The following SMYD3 variants were observed in gnomAD, a reference collection of about 807,000 sequenced individuals.
SMYD3 encodes the protein SET and MYND domain containing 3, also known as histone-lysine N-methyltransferase SMYD3.
Under a neutral mutation model 57.7 loss-of-function variants are expected in SMYD3, and 36 were observed. The ratio of observed to expected loss-of-function variants is 0.62; its 90% CI spans 0.48 to 0.82. SMYD3 has a LOEUF of 0.82. Ranked by LOEUF, SMYD3 falls within the 40% of genes least tolerant of loss-of-function variation. The pLI, the probability that SMYD3 is intolerant of heterozygous loss-of-function variation, is 0.00. For synonymous variants in SMYD3, 211 were observed against 195.0 expected, an observed-to-expected ratio of 1.08 and a Z score of -0.68; for missense variants, 515 against 538.8, an observed-to-expected ratio of 0.96 and a Z score of 0.44.
intron 10 of SMYD3, among the ~76,000 whole-genome samples, chr1:245,782,557 T>A (rs1405687979): frequency 6.6e-6 from 1 of 152,216 alleles, no homozygotes; most frequent in Non-Finnish European, 1.5e-5. Flanking sequence ...CTTTTTAAAT[T>A]CTGCAAATAT....
chr1:246,385,962 C>T (rs1039515827), intron 1 of SMYD3, among the ~76,000 whole-genome samples: 3 of 152,040 alleles, frequency 2.0e-5, no homozygotes, highest in African/African-American at 7.2e-5. Context: ...GATCTCGGCT[C>T]ACTGCAAGCT....
intron 5 of SMYD3, among the ~76,000 whole-genome samples, chr1:246,083,233 T>C (rs903914159): frequency 9.9e-5 from 15 of 152,102 alleles, no homozygotes; most frequent in Admixed American, 2.0e-4. Context: ...CCCGATTGTA[T>C]ATTCCATCTA....
At chr1:245,889,954 T>G (rs1558462039) in intron 8 of SMYD3, among the ~76,000 whole-genome samples, 1 of 152,166 alleles carries the variant, frequency 6.6e-6, no homozygotes, top group Admixed American at 6.5e-5. Context: ...AGTGAACTCA[T>G]TTTTGACAAA....
chr1:246,137,635 G>A (rs1226322736), intron 5 of SMYD3, among the ~76,000 whole-genome samples: 1 of 152,180 alleles, frequency 6.6e-6, no homozygotes, highest in Non-Finnish European at 1.5e-5. Context: ...GACGGTAAAA[G>A]TAGATGGTGC....
At chr1:245,864,218 G>A (rs989520334) in intron 8 of SMYD3, among the ~76,000 whole-genome samples, 3 of 152,190 alleles carry the variant, frequency 2.0e-5, no homozygotes, top group Non-Finnish European at 4.4e-5. Flanking sequence ...GAGTTTTCAT[G>A]TTCCCAATTA....
At chr1:246,309,638 T>C (rs930839512) in intron 5 of SMYD3, among the ~76,000 whole-genome samples, 1 of 152,196 alleles carries the variant, frequency 6.6e-6, no homozygotes, top group Non-Finnish European at 1.5e-5. Context: ...GTGGGATAGG[T>C]ATTTATCAAT....
At chr1:246,212,710 C>G (rs551791008) in intron 5 of SMYD3, among the ~76,000 whole-genome samples, 6 of 152,178 alleles carry the variant, frequency 3.9e-5, no homozygotes, top group Non-Finnish European at 8.8e-5. Flanking sequence ...AATGATAGTA[C>G]TCTTAAGTTT....
At chr1:246,021,419 CCT>C (rs1317825757) in intron 5 of SMYD3, among the ~76,000 whole-genome samples, 2 of 152,140 alleles carry the variant, frequency 1.3e-5, no homozygotes, top group Non-Finnish European at 2.9e-5. Context: ...CCACAGAGCC[CCT>C]GACACAGAAT....
chr1:246,372,674 T>C (rs944166602), intron 1 of SMYD3, among the ~76,000 whole-genome samples: 1 of 152,122 alleles, frequency 6.6e-6, no homozygotes, highest in African/African-American at 2.4e-5. Context: ...GGTTAGAGAC[T>C]AGCCTGGCCA....
At chr1:246,282,305 C>CAAAAAAAAAAAAAAAAAAAAAAAAAA (rs57740230) in intron 5 of SMYD3, among the ~76,000 whole-genome samples, 2 of 67,932 alleles carry the variant, frequency 2.9e-5, no homozygotes, top group Non-Finnish European at 5.0e-5. Context: ...CTCATCTCTA[C>CAAAAAAAAAAAAAAAAAAAAAAAAAA]AAAAAAAAAA....
chr1:246,168,179 G>A (rs2062254971), intron 5 of SMYD3, among the ~76,000 whole-genome samples: 1 of 152,214 alleles, frequency 6.6e-6, no homozygotes, highest in African/African-American at 2.4e-5. Context: ...AATAATCAAT[G>A]TAATATACAT....
chr1:246,082,562 C>T (rs1180106707), intron 5 of SMYD3, among the ~76,000 whole-genome samples: 1 of 152,100 alleles, frequency 6.6e-6, no homozygotes, highest in Non-Finnish European at 1.5e-5. Context: ...CATAAAAACC[C>T]CAGCTTCTGA....
chr1:246,255,942 A>ATAGG (rs2063880880), intron 5 of SMYD3, among the ~76,000 whole-genome samples: 1 of 143,584 alleles, frequency 7.0e-6, no homozygotes, highest in Non-Finnish European at 1.5e-5. Flanking sequence ...AGATAGATAG[A>ATAGG]TAGATAGATA....
intron 5 of SMYD3, among the ~76,000 whole-genome samples, chr1:246,241,099 A>T (rs1475348956): frequency 6.6e-6 from 1 of 151,784 alleles, no homozygotes; most frequent in Non-Finnish European, 1.5e-5. Context: ...CTCCTGCCTG[A>T]TTGCCCTGGC....
chr1:245,892,098 C>A (rs1420757664), intron 8 of SMYD3, among the ~76,000 whole-genome samples: 1 of 151,950 alleles, frequency 6.6e-6, no homozygotes, highest in Non-Finnish European at 1.5e-5. Flanking sequence ...GGAACCAAAC[C>A]AAACAAGAGG....
intron 4 of SMYD3, 136 bp from the exon 5 acceptor site, chr1:246,327,473 G>A (rs2065375940): frequency 1.3e-6 from 1 of 787,030 alleles, no homozygotes; most frequent in South Asian, 2.0e-5. Context: ...AATACATATT[G>A]TTTTATCTTT....
At position 246,499,401 on chromosome 1, in the gene SMYD3, TACACACAC is replaced by T. The variant is rs74163453; in HGVS notation, c.164+7645_164+7652del. ...TTTTAAGTAACCAAACCATCAAATA[TACACACAC>T]ACACACACACACACACATATATATA... On this transcript the variant is annotated intron_variant, in intron 1 of 11. Transcript: ENST00000490107. 7.5e-5 allele frequency among the ~76,000 whole-genome samples: 11 copies of T among 145,840 alleles called. No homozygotes were observed. In the East Asian group the frequency reaches 1.2e-3, roughly 16 times the overall value.
chr1:246,399,063 C>T (rs1174852685), intron 1 of SMYD3, among the ~76,000 whole-genome samples: 1 of 151,974 alleles, frequency 6.6e-6, no homozygotes, highest in Admixed American at 6.6e-5. Context: ...GCTCTGTCTC[C>T]CAGGCTGCAG....
intron 10 of SMYD3, among the ~76,000 whole-genome samples, chr1:245,833,800 G>A (rs1267762379): frequency 4.6e-5 from 7 of 152,176 alleles, no homozygotes; most frequent in African/African-American, 1.7e-4. Context: ...GGCCAGGGCC[G>A]GGAGCTCATT....
Sources: gnomAD v4.1 joint callset for allele counts (sites outside exome capture counted in the v4.1 genomes callset) on GRCh38, gnomAD v4.1.1 for gene constraint, MANE v1.5 for transcripts, NCBI Gene and HGNC (gene_info 2026-07-23, HGNC 2026-07-21) for gene names.